The following PDE4D variants were observed in gnomAD, a reference collection of about 807,000 sequenced individuals.
The protein encoded by PDE4D is phosphodiesterase 4D.
A neutral mutation model predicts 87.4 loss-of-function variants in PDE4D; 24 were observed. The ratio of observed to expected loss-of-function variants is 0.27; its 90% CI spans 0.20 to 0.39. The LOEUF (loss-of-function observed/expected upper bound fraction) is 0.39. Ranked by LOEUF, PDE4D falls within the 10% of genes least tolerant of loss-of-function variation. The pLI, the probability that PDE4D is intolerant of heterozygous loss-of-function variation, is 1.00. For missense variants in PDE4D, 714 were observed against 1,041.0 expected, an observed-to-expected ratio of 0.69 and a Z score of 4.32; for synonymous variants, 384 against 383.2, an observed-to-expected ratio of 1.00 and a Z score of -0.02.
intron 1 of PDE4D, among the ~76,000 whole-genome samples, chr5:59,266,020 A>C (rs939957600): frequency 9.9e-5 from 15 of 152,074 alleles, no homozygotes; most frequent in African/African-American, 3.1e-4. Context: ...TACAAATTAT[A>C]ATAGAACTGC....
intron 2 of PDE4D, among the ~76,000 whole-genome samples, chr5:60,050,589 C>A (rs1274027108): frequency 1.3e-5 from 2 of 152,136 alleles, no homozygotes; most frequent in African/African-American, 4.8e-5. Flanking sequence ...ACATACCAAA[C>A]TGTAAAGACC....
chr5:59,121,019 A>G (rs746604811), intron 5 of PDE4D, among the ~76,000 whole-genome samples: 3 of 152,196 alleles, frequency 2.0e-5, no homozygotes, highest in Non-Finnish European at 2.9e-5. Context: ...CATAAGCAGA[A>G]GAATGAAAGT....
At chr5:59,698,051 G>C (rs2150436698) in intron 1 of PDE4D, among the ~76,000 whole-genome samples, 1 of 152,234 alleles carries the variant, frequency 6.6e-6, no homozygotes, top group Admixed American at 6.5e-5. Context: ...AAAATAAATG[G>C]AGTTTAATAT....
At chr5:59,510,576 T>C (rs977047604) in intron 1 of PDE4D, among the ~76,000 whole-genome samples, 9 of 151,662 alleles carry the variant, frequency 5.9e-5, no homozygotes, top group Non-Finnish European at 8.9e-5. Flanking sequence ...GCTAGTTAGG[T>C]AGACAGAAAC....
chr5:60,436,862 T>C (rs1744798489), intron 1 of PDE4D, among the ~76,000 whole-genome samples: 1 of 152,116 alleles, frequency 6.6e-6, no homozygotes, highest in Admixed American at 6.6e-5. Flanking sequence ...TTTGACACTT[T>C]TCTGCAAGGA....
At chr5:60,496,938 C>T (rs1749840513) in intron 1 of PDE4D, among the ~76,000 whole-genome samples, 1 of 152,168 alleles carries the variant, frequency 6.6e-6, no homozygotes. Context: ...TGAAGCTTTA[C>T]ACCATCATTT....
intron 5 of PDE4D, among the ~76,000 whole-genome samples, chr5:59,171,784 A>C (rs1782806149): frequency 7.3e-6 from 1 of 136,138 alleles, no homozygotes; most frequent in Non-Finnish European, 1.5e-5. Context: ...ATGAATACAT[A>C]TTCATATATA....
chr5:59,908,538 C>T (rs1040410135), intron 3 of PDE4D, among the ~76,000 whole-genome samples: 4 of 152,120 alleles, frequency 2.6e-5, no homozygotes, highest in African/African-American at 9.7e-5. Context: ...CAAGCTAGAA[C>T]CTAGCCATAA....
intron 3 of PDE4D, among the ~76,000 whole-genome samples, chr5:59,936,800 G>A (rs1756632452): frequency 6.6e-6 from 1 of 152,146 alleles, no homozygotes; most frequent in South Asian, 2.1e-4. Context: ...AGACACTCAT[G>A]GCATATATTA....
chr5:59,514,163 T>C (rs979863776), intron 1 of PDE4D, among the ~76,000 whole-genome samples: 3 of 151,354 alleles, frequency 2.0e-5, no homozygotes, highest in African/African-American at 7.3e-5. Flanking sequence ...TGGAGTGCAG[T>C]GGTGCGATCT....
At chr5:59,238,756 A>G (rs1468847833) in intron 1 of PDE4D, among the ~76,000 whole-genome samples, 1 of 152,208 alleles carries the variant, frequency 6.6e-6, no homozygotes, top group Non-Finnish European at 1.5e-5. Context: ...CTGTAATAAC[A>G]AAACCTACAC....
intron 1 of PDE4D, among the ~76,000 whole-genome samples, chr5:59,440,940 A>T (rs1202068924): frequency 6.6e-6 from 1 of 152,202 alleles, no homozygotes; most frequent in Non-Finnish European, 1.5e-5. Context: ...CTTTGAGCAG[A>T]TTTAAATGCT....
chr5:60,037,601 C>T (rs1767953637), intron 2 of PDE4D, among the ~76,000 whole-genome samples: 1 of 152,166 alleles, frequency 6.6e-6, no homozygotes, highest in South Asian at 2.1e-4. Flanking sequence ...GGAGAGTGAT[C>T]TCTGCCCTGG....
chr5:59,264,271 C>T (rs116674508), intron 1 of PDE4D, among the ~76,000 whole-genome samples: 2 of 151,914 alleles, frequency 1.3e-5, no homozygotes, highest in African/African-American at 2.4e-5. Context: ...TACTGCTATT[C>T]GTAATTACAA....
At chr5:60,168,645 G>A (rs1019833972) in intron 2 of PDE4D, among the ~76,000 whole-genome samples, 18 of 152,108 alleles carry the variant, frequency 1.2e-4, no homozygotes, top group Non-Finnish European at 2.2e-4. Flanking sequence ...TGTAACCTAC[G>A]CACATCCTCT....
intron 1 of PDE4D, among the ~76,000 whole-genome samples, chr5:59,431,476 A>C (rs1796104989): frequency 6.6e-6 from 1 of 152,122 alleles, no homozygotes; most frequent in South Asian, 2.1e-4. Flanking sequence ...AGTTTATTTA[A>C]GCATCCTGGG....
chr5:59,051,568 T>C, intron 5 of PDE4D, among the ~76,000 whole-genome samples: 1 of 152,346 alleles, frequency 6.6e-6, no homozygotes. Flanking sequence ...TAATGACGTT[T>C]TGTGGTCAAA....
intron 1 of PDE4D, among the ~76,000 whole-genome samples, chr5:59,297,408 T>A (rs1407646032): frequency 2.6e-5 from 4 of 152,212 alleles, no homozygotes; most frequent in Non-Finnish European, 1.5e-5. Flanking sequence ...AATAAATACT[T>A]ATGGGTCCTT....
chr5:59,650,781 T>C (rs1350650172), intron 1 of PDE4D, among the ~76,000 whole-genome samples: 2 of 152,162 alleles, frequency 1.3e-5, no homozygotes. Context: ...GTTGATTTCA[T>C]ATATCTATGC....
Sources: allele counts gnomAD v4.1 joint callset (sites outside exome capture counted in the v4.1 genomes callset), GRCh38; gene constraint gnomAD v4.1.1; transcripts MANE v1.5; gene names NCBI Gene and HGNC (gene_info 2026-07-23, HGNC 2026-07-21).